Variants in CRACD observed in about 807,000 individuals in gnomAD.
The protein encoded by CRACD is capping protein inhibiting regulator of actin dynamics.
A neutral mutation model predicts 106.8 loss-of-function variants in CRACD; 56 were observed. That is an observed-to-expected ratio of 0.52 (90% confidence interval 0.42 to 0.66). CRACD has a LOEUF of 0.66. CRACD is among the 30% of genes least tolerant of loss of function. The pLI, the probability that CRACD is intolerant of heterozygous loss-of-function variation, is 0.00. For synonymous variants in CRACD, 754 were observed against 670.8 expected (o/e 1.12, Z -1.92); for missense variants, 1,730 against 1,623.2 (o/e 1.07, Z -1.13).
intron 2 of CRACD, among the ~76,000 whole-genome samples, chr4:56,206,098 G>A (rs1351146496): frequency 6.6e-6 from 1 of 151,984 alleles, no homozygotes; most frequent in East Asian, 2.0e-4. Context: ...CTTCCATATT[G>A]CTTTGTTCCT....
In CRACD at chr4:56,315,251, C is replaced by T. The variant is rs534115460; in HGVS notation, c.1749C>T (p.His583=). The T allele has an allele frequency of 1.5e-4, 246 of 1,605,246 alleles. 3 individuals are homozygous for T. In the South Asian group the frequency reaches 2.4e-3, roughly 16 times the overall value. ...PKAPKASPVQ[H]ALPSSLSVPH... ...CCCCCAAAGCCAGCCCAGTCCAGCA[C>T]GCCCTACCGTCGTCCCTGAGCGTTC... Residue 583 remains histidine (H), a synonymous_variant, in exon 8 of 11, where the codon CAC becomes CAT. Coordinates refer to ENST00000682029, the MANE Select transcript of CRACD (RefSeq NM_001393381.1). This position sits in a 1 kb window ranked among gnomAD's most constrained non-coding sequence, Gnocchi z 4.1.
chr4:56,146,723 A>G (rs1242727125), intron 1 of CRACD, among the ~76,000 whole-genome samples: 1 of 152,180 alleles, frequency 6.6e-6, no homozygotes, highest in Non-Finnish European at 1.5e-5. Flanking sequence ...TTGAGATAGA[A>G]TTTATACACT....
chr4:56,185,773 C>T (rs1737069563), intron 2 of CRACD, among the ~76,000 whole-genome samples: 2 of 152,164 alleles, frequency 1.3e-5, no homozygotes, highest in South Asian at 4.1e-4. Context: ...GTCTCCCCAC[C>T]CCTGACTTAT....
At chr4:56,064,380 C>T (rs183809533) in intron 1 of CRACD, among the ~76,000 whole-genome samples, 8 of 152,306 alleles carry the variant, frequency 5.3e-5, no homozygotes, top group South Asian at 2.1e-4. Context: ...ATGTAAAAAG[C>T]AAGCAGCAAA....
At position 56,315,677 on chromosome 4, in the gene CRACD, G is replaced by T; in HGVS notation, c.2175G>T (p.Trp725Cys). 6.2e-7 allele frequency: 1 copy of T among 1,614,216 alleles called. No individual in the cohort carries two copies. The highest frequency in any genetic ancestry group is 1.1e-5 in the South Asian group (1 of 91,086). ...CAAAGTTCTCTATTATGCCTGCCTG[G>T]CAGAAATTTTCCGATGGTGGCACGG... ...VNAKFSIMPAWQKFSDGGTET... is the reference protein window; with the variant it reads ...VNAKFSIMPACQKFSDGGTET... Residue 725 changes from tryptophan (W) to cysteine (C), a missense_variant, in exon 8 of 11, where the codon TGG becomes TGT. By Grantham distance (215) the Trp-to-Cys change is radical (BLOSUM62 -2). Transcript: ENST00000682029. The surrounding 1 kb of genome is among the most constrained non-coding windows in gnomAD (Gnocchi z 4.1).
chr4:56,185,778 A>T (rs534511453), intron 2 of CRACD, among the ~76,000 whole-genome samples: 1 of 152,214 alleles, frequency 6.6e-6, no homozygotes, highest in African/African-American at 2.4e-5. Flanking sequence ...CCCACCCCTG[A>T]CTTATGTCAT....
chr4:56,098,363 G>T (rs564445722), intron 1 of CRACD, among the ~76,000 whole-genome samples: 2 of 152,138 alleles, frequency 1.3e-5, no homozygotes, highest in South Asian at 4.1e-4. Context: ...TTTTTTGAAG[G>T]TTTTATTTTC....
Position 56,324,173 on chromosome 4 carries a change from C to G in CRACD, c.3448C>G (p.Leu1150Val), listed in dbSNP as rs1191164541. The change falls in exon 10 of 11, where the codon CTG becomes GTG. Residue 1150 changes from leucine to valine, a missense_variant. By Grantham distance (32) the Leu-to-Val change is conservative. Transcript: ENST00000682029. ...RAGSLHKSTA[L>V]PEEKRPETAV... ...AGGTTCCCTGCACAAGTCCACTGCT[C>G]TGCCAGAAGAGAAGAGGCCCGAGAC... 2 of 1,614,198 alleles carry G rather than the reference C, an allele frequency of 1.2e-6. No individual in the cohort carries two copies. The highest frequency in any genetic ancestry group is 1.7e-5 in the Admixed American group (1 of 60,034).
At chr4:56,117,169 C>T (rs905781084) in intron 1 of CRACD, among the ~76,000 whole-genome samples, 12 of 151,752 alleles carry the variant, frequency 7.9e-5, no homozygotes, top group Admixed American at 3.3e-4. Flanking sequence ...TACAGGTGCC[C>T]GCCACCACGC....
At chr4:56,107,920 CTT>C (rs1262712354) in intron 1 of CRACD, among the ~76,000 whole-genome samples, 1 of 152,200 alleles carries the variant, frequency 6.6e-6, no homozygotes, top group Non-Finnish European at 1.5e-5. Context: ...TTCATTTCCT[CTT>C]TAACAAAAGG....
At chr4:56,156,105 T>G (rs1043311437) in intron 1 of CRACD, among the ~76,000 whole-genome samples, 6 of 152,070 alleles carry the variant, frequency 3.9e-5, no homozygotes, top group African/African-American at 1.4e-4. Flanking sequence ...TGGGAGTACA[T>G]GCAGGCTACC....
Position 56,314,859 on chromosome 4 carries a change from G to C in CRACD, c.1357G>C (p.Glu453Gln), listed in dbSNP as rs777190021. The C allele has an allele frequency of 6.2e-7, 1 of 1,612,186 alleles. No individual in the cohort carries two copies. The highest frequency in any genetic ancestry group is 1.3e-5 in the African/African-American group (1 of 75,032). ...EHSEEPGICE[E>Q]QNPEAERRRE... ...CTCCGAGGAGCCAGGTATTTGCGAGGAGCAGAACCCAGAGGCCGAGCGGCG... is the reference window on the plus strand; with the variant it reads ...CTCCGAGGAGCCAGGTATTTGCGAGCAGCAGAACCCAGAGGCCGAGCGGCG... The change falls in exon 8 of 11, where the codon GAG becomes CAG. Residue 453 changes from glutamate to glutamine, a missense_variant. Coordinates refer to ENST00000682029, the MANE Select transcript of CRACD (RefSeq NM_001393381.1). This position sits in a 1 kb window ranked among gnomAD's most constrained non-coding sequence, Gnocchi z 4.4.
chr4:56,217,804 T>C (rs1738786662), intron 2 of CRACD, among the ~76,000 whole-genome samples: 1 of 152,240 alleles, frequency 6.6e-6, no homozygotes, highest in African/African-American at 2.4e-5. Flanking sequence ...AACTTTGGAA[T>C]GCCCTCGGCC....
chr4:56,163,328 T>C (rs1736023159), intron 1 of CRACD, among the ~76,000 whole-genome samples: 1 of 152,182 alleles, frequency 6.6e-6, no homozygotes, highest in Non-Finnish European at 1.5e-5. Flanking sequence ...TGATACATAA[T>C]ATTTTTCCTC....
At chr4:56,065,730 C>G (rs561507274) in intron 1 of CRACD, among the ~76,000 whole-genome samples, 21 of 152,236 alleles carry the variant, frequency 1.4e-4, no homozygotes, top group Admixed American at 7.2e-4. Flanking sequence ...GTGTACTATT[C>G]AGTGGGATTA....
Position 56,120,091 on chromosome 4 carries a change from T to C in CRACD, c.-335-59193T>C, listed in dbSNP as rs574025156. Among the ~76,000 whole-genome samples the C allele has an allele frequency of 1.5e-4, 23 of 152,296 alleles. No homozygotes were observed. In the South Asian group the frequency reaches 3.1e-3, roughly 21 times the overall value. The stretch of plus-strand genomic sequence containing the variant: ...AACTAGTCAAAATGATCAGACTGCT[T>C]GGATGTGAAGAAAAAGTGGATGCTA... On this transcript the variant is annotated intron_variant, in intron 1 of 10. Coordinates refer to ENST00000682029, the MANE Select transcript of CRACD (RefSeq NM_001393381.1).
chr4:56,311,213 TA>T (rs1745138176), intron 6 of CRACD: 1 of 168,302 alleles, frequency 5.9e-6, no homozygotes, highest in South Asian at 1.5e-4. Flanking sequence ...TGCAGGAGTG[TA>T]AGAACCCTGT....
At chr4:56,123,566 T>A (rs1266478065) in intron 1 of CRACD, among the ~76,000 whole-genome samples, 1 of 152,182 alleles carries the variant, frequency 6.6e-6, no homozygotes, top group African/African-American at 2.4e-5. Flanking sequence ...CTTCAGCAAA[T>A]CAATTTCAGA....
intron 1 of CRACD, among the ~76,000 whole-genome samples, chr4:56,051,460 C>T (rs1217568153): frequency 6.6e-6 from 1 of 152,064 alleles, no homozygotes; most frequent in Admixed American, 6.5e-5. Flanking sequence ...CACAATAGAA[C>T]ATTTCACTTG....
Sources: allele counts gnomAD v4.1 joint callset (sites outside exome capture counted in the v4.1 genomes callset), GRCh38; gene constraint gnomAD v4.1.1; non-coding constraint Gnocchi (gnomAD v3.1); transcripts MANE v1.5; gene names NCBI Gene and HGNC (gene_info 2026-07-23, HGNC 2026-07-21).